Variants in TFDP1 observed in about 807,000 individuals in gnomAD.
TFDP1 encodes the protein transcription factor Dp-1, also known as DRTF1-polypeptide 1.
TFDP1 carries 6 observed loss-of-function variants against 48.0 expected under a neutral mutation model. The ratio of observed to expected loss-of-function variants is 0.13; its 90% CI spans 0.07 to 0.25. The LOEUF (loss-of-function observed/expected upper bound fraction) is 0.25, where lower values mean the gene tolerates loss of function less well. Ranked by LOEUF, TFDP1 falls within the 10% of genes least tolerant of loss-of-function variation. The pLI is 1.00. For synonymous variants in TFDP1, 201 were observed against 211.6 expected (o/e 0.95, Z 0.44); for missense variants, 335 against 543.0 (o/e 0.62, Z 3.81).
At chr13:113,637,940 C>T (rs1329138773) in intron 11 of TFDP1, 44 bp downstream of exon 11, 2 of 1,599,240 alleles carry the variant, frequency 1.3e-6, no homozygotes, top group African/African-American at 1.3e-5. Context: ...TCTGGGCCTC[C>T]CCCGGGGTCC....
At chr13:113,591,702 C>G (rs1020467982) in intron 2 of TFDP1, among the ~76,000 whole-genome samples, 1 of 152,170 alleles carries the variant, frequency 6.6e-6, no homozygotes, top group African/African-American at 2.4e-5. Context: ...TGGCTTTCTG[C>G]TGTTTGTCAT....
At chr13:113,626,030 TCTCTCACGCG>T in intron 4 of TFDP1, among the ~76,000 whole-genome samples, 1 of 134,844 alleles carries the variant, frequency 7.4e-6, no homozygotes, top group Non-Finnish European at 1.5e-5. Flanking sequence ...TCCTCAGGTG[TCTCTCACGCG>T]TCCTCAGGTG....
At chr13:113,609,075 C>T (rs1338649779) in intron 2 of TFDP1, among the ~76,000 whole-genome samples, 8 of 152,248 alleles carry the variant, frequency 5.3e-5, no homozygotes, top group African/African-American at 1.7e-4. Flanking sequence ...TTCCTGGTGT[C>T]GTATGTTTGT....
chr13:113,622,973 C>T lies in TFDP1; in HGVS notation c.80-207C>T, dbSNP rs4150755. 7.5e-3 allele frequency among the ~76,000 whole-genome samples: 1,139 copies of T among 152,384 alleles called. 40 individuals carry two copies. Among genetic ancestry groups the T allele is most frequent in the Admixed American group, 0.068 (1,047 of 15,308 alleles). On this transcript the variant is annotated intron_variant, in intron 3 of 11. Coordinates refer to ENST00000375370, the MANE Select transcript of TFDP1 (RefSeq NM_007111.5). The stretch of plus-strand genomic sequence containing the variant: ...GCCTGGGTCACCTGGGTGGCGTCAG[C>T]GCGGCCCTGCGGCCCTCCCCTTACG...
At chr13:113,603,059 G>A (rs1255179859) in intron 2 of TFDP1, among the ~76,000 whole-genome samples, 3 of 152,138 alleles carry the variant, frequency 2.0e-5, no homozygotes, top group East Asian at 3.8e-4. Flanking sequence ...CAGGACACAG[G>A]TCGGATAAGC....
intron 2 of TFDP1, among the ~76,000 whole-genome samples, chr13:113,604,256 A>AGGAC (rs972845619): frequency 1.3e-5 from 2 of 152,042 alleles, no homozygotes; most frequent in African/African-American, 4.8e-5. Flanking sequence ...AAATGCAAGG[A>AGGAC]GGACCCACAT....
intron 2 of TFDP1, among the ~76,000 whole-genome samples, chr13:113,593,660 TGTG>T (rs1252562856): frequency 2.4e-5 from 3 of 127,608 alleles, no homozygotes; most frequent in Non-Finnish European, 4.8e-5. Flanking sequence ...AGGTGACAGG[TGTG>T]GTGTACACGG....
intron 2 of TFDP1, among the ~76,000 whole-genome samples, chr13:113,604,160 CAA>C (rs5806996): frequency 4.6e-4 from 48 of 104,406 alleles, no homozygotes; most frequent in East Asian, 8.3e-4. Context: ...CAGCCTGTCT[CAA>C]AAAAAAAAAA....
intron 2 of TFDP1, among the ~76,000 whole-genome samples, chr13:113,601,428 C>T (rs1396745622): frequency 1.6e-5 from 2 of 127,358 alleles, no homozygotes; most frequent in Non-Finnish European, 3.2e-5. Context: ...TAGGGCAGCT[C>T]GCTGGTGGCT....
intron 4 of TFDP1, among the ~76,000 whole-genome samples, chr13:113,630,859 T>TG (rs1271341928): frequency 1.7e-4 from 4 of 23,348 alleles, no homozygotes; most frequent in African/African-American, 4.4e-4. Flanking sequence ...AGGTGTGCTG[T>TG]GGGGTGGGGC....
At chr13:113,625,075 T>A (rs1376038291) in intron 4 of TFDP1, among the ~76,000 whole-genome samples, 1 of 118,076 alleles carries the variant, frequency 8.5e-6, no homozygotes, top group African/African-American at 3.9e-5. Context: ...CTCTCACGTG[T>A]CCTCAGGTGT....
Position 113,613,126 on chromosome 13 carries a change from C to T in TFDP1, c.79+2064C>T, listed in dbSNP as rs144954704. Reference sequence around the variant, plus strand: ...CTGCCTCCCGGATTCAAGCGATTCTCCTGCCTCAGCCTCCAGAGTAGCTGG... The same window carrying T: ...CTGCCTCCCGGATTCAAGCGATTCTTCTGCCTCAGCCTCCAGAGTAGCTGG... On this transcript the variant is annotated intron_variant, in intron 3 of 11. Coordinates refer to ENST00000375370, the MANE Select transcript of TFDP1 (RefSeq NM_007111.5). Among the ~76,000 whole-genome samples, 1,302 of 152,326 alleles carry T rather than the reference C, an allele frequency of 8.5e-3. 17 individuals are homozygous for T. Among genetic ancestry groups the T allele is most frequent in the African/African-American group, 0.03 (1,250 of 41,570 alleles).
rs908172091 is a variant in TFDP1 at position 113,598,869 on chromosome 13, A to G, written c.13-12127A>G. Reference sequence around the variant, plus strand: ...CTCGCCTGCAGCTCATCACCTCTGGATGGATCTTGTTAGGTGTGTGGCTTT... The same window carrying G: ...CTCGCCTGCAGCTCATCACCTCTGGGTGGATCTTGTTAGGTGTGTGGCTTT... On this transcript the variant is annotated intron_variant, in intron 2 of 11. Transcript: ENST00000375370. This position sits in a 1 kb window ranked among gnomAD's most constrained non-coding sequence, Gnocchi z 4.2. Among the ~76,000 whole-genome samples, 1 of 152,166 alleles carries G rather than the reference A, an allele frequency of 6.6e-6. No individual in the cohort carries two copies. Among genetic ancestry groups the G allele is most frequent in the African/African-American group, 2.4e-5 (1 of 41,436 alleles).
rs1344617048 is a variant in TFDP1 at position 113,584,861 on chromosome 13, C to G, written c.-92C>G. 1 of 146,372 alleles carries G rather than the reference C, an allele frequency of 6.8e-6. No individual in the cohort carries two copies. The highest frequency in any genetic ancestry group is 1.5e-5 in the Non-Finnish European group (1 of 65,840). 9.1% of individuals were successfully genotyped at this position (146,372 alleles called of 1,614,324 possible). The stretch of plus-strand genomic sequence containing the variant: ...CCGCACCGCGCCCTCTCCGCGTCCC[C>G]GCCCGCGCGGCCGGACCGGGCAGCC... On this transcript the variant is annotated 5_prime_UTR_variant, in exon 1 of 12. Transcript: ENST00000375370.
At chr13:113,620,814 G>A (rs574166524) in intron 3 of TFDP1, among the ~76,000 whole-genome samples, 23 of 152,328 alleles carry the variant, frequency 1.5e-4, no homozygotes, top group African/African-American at 5.5e-4. Context: ...TCCCAAAGCA[G>A]ATCATCTTAT....
At chr13:113,602,985 A>AAACC (rs58126506) in intron 2 of TFDP1, among the ~76,000 whole-genome samples, 3 of 146,964 alleles carry the variant, frequency 2.0e-5, no homozygotes, top group African/African-American at 7.6e-5. Context: ...AAAAAAAAAA[A>AAACC]ACGTATAATT....
intron 4 of TFDP1, among the ~76,000 whole-genome samples, chr13:113,625,470 A>C (rs1594507070): frequency 1.3e-5 from 1 of 78,786 alleles, no homozygotes; most frequent in Admixed American, 1.4e-4. Context: ...ACGTGTCCTC[A>C]GGTGTTTCTC....
At chr13:113,629,996 G>C (rs916972205) in intron 4 of TFDP1, among the ~76,000 whole-genome samples, 3 of 152,206 alleles carry the variant, frequency 2.0e-5, no homozygotes, top group Non-Finnish European at 4.4e-5. Flanking sequence ...GCCTGGCGTG[G>C]AGCTGGCGGG....
intron 2 of TFDP1, among the ~76,000 whole-genome samples, chr13:113,594,492 G>A (rs1406775007): frequency 2.6e-5 from 4 of 151,480 alleles, no homozygotes; most frequent in Admixed American, 6.6e-5. Flanking sequence ...CAGGTGACAG[G>A]TATGGTGTGC....
Sources: gnomAD v4.1 joint callset for allele counts (sites outside exome capture counted in the v4.1 genomes callset) on GRCh38, gnomAD v4.1.1 for gene constraint, Gnocchi (gnomAD v3.1) non-coding constraint, MANE v1.5 for transcripts, NCBI Gene and HGNC (gene_info 2026-07-23, HGNC 2026-07-21) for gene names.